Variants in AGO4 observed in about 807,000 individuals in gnomAD.
AGO4 encodes the protein protein argonaute-4.
In AGO4, 33 loss-of-function variants were observed where a neutral mutation model predicts 104.7. That is an observed-to-expected ratio of 0.32 (90% CI 0.24 to 0.42). The LOEUF (loss-of-function observed/expected upper bound fraction) is 0.42, where lower values mean the gene tolerates loss of function less well. AGO4 is among the 10% of genes least tolerant of loss of function. The pLI is 1.00. For missense variants in AGO4, 711 were observed against 1,083.4 expected (o/e 0.66, Z 4.83); for synonymous variants, 331 against 364.7 (o/e 0.91, Z 1.05).
At chr1:35,849,367 A>T (rs1487403230) in intron 15 of AGO4, among the ~76,000 whole-genome samples, 1 of 151,534 alleles carries the variant, frequency 6.6e-6, no homozygotes, top group Non-Finnish European at 1.5e-5. Context: ...TTTGCCAGTG[A>T]CTTTTTTTTT....
intron 2 of AGO4, among the ~76,000 whole-genome samples, chr1:35,818,630 AAAG>A (rs1438659789): frequency 9.4e-6 from 1 of 105,994 alleles, no homozygotes; most frequent in African/African-American, 4.9e-5. Context: ...TCTCAAAAAG[AAAG>A]AAAGAAAGAA....
At chr1:35,817,150 C>G (rs1643737173) in intron 2 of AGO4, 103 bp downstream of exon 2, 6 of 1,227,196 alleles carry the variant, frequency 4.9e-6, no homozygotes, top group Non-Finnish European at 6.6e-6. Context: ...CTTTGTTATT[C>G]TCTAAGATGA....
At chr1:35,838,178 G>A (rs1212962008) in intron 13 of AGO4, among the ~76,000 whole-genome samples, 1 of 152,000 alleles carries the variant, frequency 6.6e-6, no homozygotes, top group Non-Finnish European at 1.5e-5. Flanking sequence ...TCAGCCTCCC[G>A]AGTAGCTGGA....
chr1:35,841,557 A>G lies in AGO4; in HGVS notation c.2041-59A>G. The stretch of plus-strand genomic sequence containing the variant: ...ATTCCTCTCATCTACCATTCTGGGT[A>G]GATCTGAGAGATACTAGGCAAATTC... On this transcript the variant is annotated intron_variant, in intron 14 of 17. Coordinates refer to ENST00000373210, the MANE Select transcript of AGO4 (RefSeq NM_017629.4). This position sits in a 1 kb window ranked among gnomAD's most constrained non-coding sequence, Gnocchi z 4.7. The G allele has an allele frequency of 1.2e-6, 2 of 1,612,472 alleles. No homozygotes were observed. Among genetic ancestry groups the G allele is most frequent in the Non-Finnish European group, 1.7e-6 (2 of 1,178,708 alleles).
intron 7 of AGO4, among the ~76,000 whole-genome samples, chr1:35,830,924 A>G (rs959912211): frequency 6.7e-6 from 1 of 149,278 alleles, no homozygotes; most frequent in Non-Finnish European, 1.5e-5. Flanking sequence ...GTGAACCAAG[A>G]TGGTGCCACT....
At position 35,815,368 on chromosome 1, in the gene AGO4, G is replaced by A. The variant is rs561975284; in HGVS notation, c.20-1514G>A. Among the ~76,000 whole-genome samples the A allele has an allele frequency of 2.0e-5, 3 of 152,274 alleles. No individual in the cohort carries two copies. In the South Asian group the frequency reaches 6.2e-4, roughly 32 times the overall value. The stretch of plus-strand genomic sequence containing the variant: ...TCCACTTGATATTGTCATCAAAAAG[G>A]AGTAAGATTTTCTCTAAACGAGTGT... On this transcript the variant is annotated intron_variant, in intron 1 of 17. Coordinates refer to ENST00000373210, the MANE Select transcript of AGO4 (RefSeq NM_017629.4).
intron 1 of AGO4, among the ~76,000 whole-genome samples, chr1:35,813,857 C>T (rs1643591503): frequency 6.6e-6 from 1 of 151,666 alleles, no homozygotes; most frequent in Non-Finnish European, 1.5e-5. Context: ...GGGCGGATCA[C>T]AAGGTCAGGA....
At position 35,855,979 on chromosome 1, in the gene AGO4, T is replaced by C. The variant is rs74653221; in HGVS notation, c.*2374T>C. On this transcript the variant is annotated 3_prime_UTR_variant, in exon 18 of 18. Coordinates refer to ENST00000373210, the MANE Select transcript of AGO4 (RefSeq NM_017629.4). ...CATCACTTCTCACCATCTCCTGGCA[T>C]GTATGGAGCAGGGAGCAAGGCTATG... 3,495 of 152,332 alleles carry C rather than the reference T, an allele frequency of 0.023. 59 individuals carry two copies. Among genetic ancestry groups the C allele is most frequent in the Non-Finnish European group, 0.033 (2,272 of 68,040 alleles). The allele number at this position is 152,332 out of a possible 1,614,324, so 9.4% of individuals were successfully genotyped here.
intron 15 of AGO4, among the ~76,000 whole-genome samples, chr1:35,847,592 A>G (rs1401992792): frequency 1.3e-5 from 2 of 152,182 alleles, no homozygotes; most frequent in Admixed American, 1.3e-4. Context: ...TGCATGTTGG[A>G]CAAGCTTGCT....
rs1398054615 is a variant in AGO4, at chr1:35,841,488, C to T, written c.2040+8C>T. 1.2e-6 allele frequency: 2 copies of T among 1,610,742 alleles called. No individual in the cohort carries two copies. Among genetic ancestry groups the T allele is most frequent in the Non-Finnish European group, 1.7e-6 (2 of 1,177,334 alleles). On this transcript the variant is annotated splice_region_variant and intron_variant, in intron 14 of 17. Coordinates refer to ENST00000373210, the MANE Select transcript of AGO4 (RefSeq NM_017629.4). The surrounding 1 kb of genome is among the most constrained non-coding windows in gnomAD (Gnocchi z 4.7). Reference sequence around the variant, plus strand: ...GAGGGACAAATGAAACAGGTACTCTCATTATCCCTGTTGCCCTTCGGGGCC... The same window carrying T: ...GAGGGACAAATGAAACAGGTACTCTTATTATCCCTGTTGCCCTTCGGGGCC...
chr1:35,829,025 C>A (rs1644108029), intron 7 of AGO4, among the ~76,000 whole-genome samples: 1 of 149,082 alleles, frequency 6.7e-6, no homozygotes, highest in Admixed American at 6.7e-5. Context: ...CTCAGAGCCC[C>A]CCCCCCCACA....
intron 17 of AGO4, 94 bp from the exon 18 acceptor site, chr1:35,853,403 T>C (rs1346989101): frequency 9.9e-7 from 1 of 1,013,430 alleles, no homozygotes; most frequent in South Asian, 1.6e-5. Flanking sequence ...AGTGGTCTTC[T>C]GTTACACCTG....
chr1:35,825,342 G>A lies in AGO4; in HGVS notation c.336G>A (p.Glu112=), dbSNP rs1156698241. The A allele has an allele frequency of 6.2e-7, 1 of 1,614,066 alleles. No homozygotes were observed. Among genetic ancestry groups the A allele is most frequent in the Non-Finnish European group, 8.5e-7 (1 of 1,179,978 alleles). Residue 112 remains glutamate (E), a synonymous_variant, in exon 4 of 18, where the codon GAG becomes GAA. Transcript: ENST00000373210. ...ATATGGAGGTGACTCTTCCAGGCGA[G>A]GGTAAAGACCAAACATTTAAAGTGT... is the stretch of plus-strand genomic sequence containing the variant. ...RVDMEVTLPG[E]GKDQTFKVSV...
At chr1:35,819,732 CA>C (rs142782775) in intron 2 of AGO4, among the ~76,000 whole-genome samples, 8,545 of 107,134 alleles carry the variant, frequency 0.08, 268 homozygotes, top group African/African-American at 0.13. Flanking sequence ...GACTCTGTCT[CA>C]AAAAAAAAAA....
At position 35,855,361 on chromosome 1, in the gene AGO4, G is replaced by A. The variant is rs1188422583; in HGVS notation, c.*1756G>A. 2 of 152,612 alleles carry A rather than the reference G, an allele frequency of 1.3e-5. No homozygotes were observed. Among genetic ancestry groups the A allele is most frequent in the African/African-American group, 4.8e-5 (2 of 41,438 alleles). 9.5% of individuals were successfully genotyped at this position (152,612 alleles called of 1,614,324 possible). Reference sequence around the variant, plus strand: ...GAGACGGTCCAAATCTCATAAACTAGCCTTCTCAAAATCCCAGCAATATAA... The same window carrying A: ...GAGACGGTCCAAATCTCATAAACTAACCTTCTCAAAATCCCAGCAATATAA... On this transcript the variant is annotated 3_prime_UTR_variant, in exon 18 of 18. Coordinates refer to ENST00000373210, the MANE Select transcript of AGO4 (RefSeq NM_017629.4).
At chr1:35,833,944 G>T in intron 11 of AGO4, 46 bp from the exon 12 acceptor site, 1 of 1,358,806 alleles carries the variant, frequency 7.4e-7, no homozygotes. Flanking sequence ...TGCTAGAAAT[G>T]TACTCTGAAA....
intron 17 of AGO4, 42 bp from the exon 18 acceptor site, chr1:35,853,455 G>T: frequency 1.9e-6 from 3 of 1,542,870 alleles, no homozygotes; most frequent in Non-Finnish European, 2.6e-6. Flanking sequence ...TTTTTTGTTT[G>T]TTTGTTTTGC....
At chr1:35,831,387 A>G (rs1644181378) in intron 7 of AGO4, 40 bp from the exon 8 acceptor site, 1 of 1,554,986 alleles carries the variant, frequency 6.4e-7, no homozygotes, top group Non-Finnish European at 8.7e-7. Flanking sequence ...AAAAGAAAGA[A>G]CTTGAAGAAA....
chr1:35,816,818 A>AT, intron 1 of AGO4, 64 bp from the exon 2 acceptor site: 18 of 1,414,756 alleles, frequency 1.3e-5, no homozygotes, highest in African/African-American at 3.4e-5. Flanking sequence ...AAAAAAAAAA[A>AT]AAAGAAAGAA....
Sources: allele counts gnomAD v4.1 joint callset (sites outside exome capture counted in the v4.1 genomes callset), GRCh38; gene constraint gnomAD v4.1.1; non-coding constraint Gnocchi (gnomAD v3.1); transcripts MANE v1.5; gene names NCBI Gene and HGNC (gene_info 2026-07-23, HGNC 2026-07-21).